The following RUNX2 variants were observed in gnomAD, a reference collection of about 807,000 sequenced individuals.
The protein encoded by RUNX2 is runt-related transcription factor 2.
A neutral mutation model predicts 51.7 loss-of-function variants in RUNX2; 10 were observed. The observed-to-expected ratio is 0.19, with a 90% CI of 0.12 to 0.33. The LOEUF (loss-of-function observed/expected upper bound fraction) is 0.33, where lower values mean the gene tolerates loss of function less well. Among genes scored for constraint, RUNX2 ranks in the 10% least tolerant of loss-of-function variants. The pLI, the probability that RUNX2 is intolerant of heterozygous loss-of-function variation, is 1.00. For synonymous variants in RUNX2, 276 were observed against 273.6 expected (o/e 1.01, Z -0.09); for missense variants, 562 against 691.3 (o/e 0.81, Z 2.10).
chr6:45,535,376 G>A (rs1283342969), intron 7 of RUNX2, among the ~76,000 whole-genome samples: 3 of 152,046 alleles, frequency 2.0e-5, no homozygotes, highest in Non-Finnish European at 4.4e-5. Context: ...AGGCCGAGGC[G>A]GGCAGATCAC....
At chr6:45,449,496 G>A (rs114845253) in intron 5 of RUNX2, among the ~76,000 whole-genome samples, 193 of 152,340 alleles carry the variant, frequency 1.3e-3, no homozygotes, top group African/African-American at 4.5e-3. Context: ...CTGCAAGTCA[G>A]CAGATGATTT....
chr6:45,328,375 TTC>T lies in RUNX2; in HGVS notation c.-149_-148del. 1 of 1,390,944 alleles carries T rather than the reference TTC, an allele frequency of 7.2e-7. No homozygotes were observed. Among genetic ancestry groups the T allele is most frequent in the Non-Finnish European group, 9.6e-7 (1 of 1,038,012 alleles). 86.2% of individuals were successfully genotyped at this position (1,390,944 alleles called of 1,614,324 possible). On this transcript the variant is annotated 5_prime_UTR_variant, in exon 1 of 9. Coordinates refer to ENST00000647337, the MANE Select transcript of RUNX2 (RefSeq NM_001024630.4). The stretch of plus-strand genomic sequence containing the variant: ...CAGAACCACAAGTGCGGTGCAAACT[TTC>T]TCCAGGAGGACAGCAAGAAGTCTCT...
At chr6:45,535,207 A>G (rs539546198) in intron 7 of RUNX2, among the ~76,000 whole-genome samples, 4 of 152,292 alleles carry the variant, frequency 2.6e-5, no homozygotes, top group Admixed American at 6.5e-5. Flanking sequence ...AAGTTTATCT[A>G]TGTAACAAAC....
chr6:45,378,028 C>A (rs889105661), intron 2 of RUNX2: 1 of 151,912 alleles, frequency 6.6e-6, no homozygotes. Flanking sequence ...ACGGACGCCC[C>A]CCGCACTGGC....
chr6:45,437,880 G>A, intron 4 of RUNX2, 67 bp from the exon 5 acceptor site: 2 of 1,147,198 alleles, frequency 1.7e-6, no homozygotes, highest in South Asian at 2.5e-5. Flanking sequence ...GGAAATCTAT[G>A]CTGCTGTGTA....
At chr6:45,498,592 G>A (rs1053334705) in intron 6 of RUNX2, among the ~76,000 whole-genome samples, 10 of 152,086 alleles carry the variant, frequency 6.6e-5, no homozygotes, top group Admixed American at 3.3e-4. Context: ...AGTTATATAA[G>A]GCATGTATTT....
chr6:45,424,695 G>A (rs1798336617), intron 3 of RUNX2, among the ~76,000 whole-genome samples: 3 of 152,118 alleles, frequency 2.0e-5, no homozygotes, highest in Admixed American at 2.0e-4. Context: ...GAAAGAAAGA[G>A]GAGTCCAGGT....
chr6:45,336,309 C>T (rs1788540352), intron 2 of RUNX2, among the ~76,000 whole-genome samples: 1 of 151,260 alleles, frequency 6.6e-6, no homozygotes, highest in Non-Finnish European at 1.5e-5. Flanking sequence ...TAACAATATC[C>T]CTCCCTTATA....
chr6:45,372,426 T>G (rs933749900), intron 2 of RUNX2, among the ~76,000 whole-genome samples: 1 of 152,210 alleles, frequency 6.6e-6, no homozygotes, highest in African/African-American at 2.4e-5. Context: ...AAGAATGTTA[T>G]GACTAAGAGT....
chr6:45,419,760 C>A (rs929840898), intron 2 of RUNX2, among the ~76,000 whole-genome samples: 1 of 152,184 alleles, frequency 6.6e-6, no homozygotes, highest in East Asian at 1.9e-4. Context: ...CCAGTTGGTC[C>A]GGTCTGGCTA....
At chr6:45,463,055 T>A (rs1439616683) in intron 5 of RUNX2, among the ~76,000 whole-genome samples, 1 of 152,216 alleles carries the variant, frequency 6.6e-6, no homozygotes, top group Non-Finnish European at 1.5e-5. Flanking sequence ...CACTTGGGTA[T>A]CTGACCTGAA....
chr6:45,467,350 C>A (rs1799663323), intron 5 of RUNX2, among the ~76,000 whole-genome samples: 1 of 152,172 alleles, frequency 6.6e-6, no homozygotes, highest in Non-Finnish European at 1.5e-5. Context: ...GGCGTGATCT[C>A]AGCTGACTGC....
intron 2 of RUNX2, among the ~76,000 whole-genome samples, chr6:45,411,495 C>T (rs1797950466): frequency 6.6e-6 from 1 of 151,960 alleles, no homozygotes; most frequent in Non-Finnish European, 1.5e-5. Flanking sequence ...TAAATGCTAG[C>T]AAAACAAAGT....
At chr6:45,486,032 C>T (rs1800274513) in intron 5 of RUNX2, among the ~76,000 whole-genome samples, 1 of 152,080 alleles carries the variant, frequency 6.6e-6, no homozygotes, top group Non-Finnish European at 1.5e-5. Context: ...CATATTTCCT[C>T]ACCTACTATT....
chr6:45,428,061 A>T (rs1295510597), intron 3 of RUNX2, among the ~76,000 whole-genome samples: 1 of 152,184 alleles, frequency 6.6e-6, no homozygotes, highest in Non-Finnish European at 1.5e-5. Flanking sequence ...AAACATAGAA[A>T]TGTAATTGTT....
rs144386179 is a variant in RUNX2 at position 45,477,247 on chromosome 6, G to T, written c.686-14694G>T. Among the ~76,000 whole-genome samples, 32 of 152,206 alleles carry T rather than the reference G, an allele frequency of 2.1e-4. No homozygotes were observed. In the East Asian group the frequency reaches 3.9e-3, roughly 18 times the overall value. On this transcript the variant is annotated intron_variant, in intron 5 of 8. Coordinates refer to ENST00000647337, the MANE Select transcript of RUNX2 (RefSeq NM_001024630.4). ...ACCCTAGGAGTGTTTGCTTCTCAGG[G>T]TTCCCTTTTAGACACTTTTCTCCAC...
At chr6:45,412,940 G>A (rs950353202) in intron 2 of RUNX2, among the ~76,000 whole-genome samples, 2 of 151,970 alleles carry the variant, frequency 1.3e-5, no homozygotes, top group Admixed American at 6.6e-5. Flanking sequence ...AGGTAGAGGC[G>A]GGGTTTCACC....
At chr6:45,510,747 T>A (rs970137749) in intron 6 of RUNX2, among the ~76,000 whole-genome samples, 11 of 151,792 alleles carry the variant, frequency 7.2e-5, no homozygotes, top group Admixed American at 3.3e-4. Context: ...GTTTTTTTTT[T>A]AATATATATA....
At chr6:45,477,320 C>A (rs1356994280) in intron 5 of RUNX2, among the ~76,000 whole-genome samples, 1 of 152,222 alleles carries the variant, frequency 6.6e-6, no homozygotes, top group Admixed American at 6.5e-5. Context: ...CTATTAACTT[C>A]GTGTTCCCAT....
Sources: allele counts gnomAD v4.1 joint callset (sites outside exome capture counted in the v4.1 genomes callset), GRCh38; gene constraint gnomAD v4.1.1; transcripts MANE v1.5; gene names NCBI Gene and HGNC (gene_info 2026-07-23, HGNC 2026-07-21).